IPCEF1: variants seen among roughly 807,000 people sequenced by gnomAD.
IPCEF1 encodes the protein interaction protein for cytohesin exchange factors 1.
A neutral mutation model predicts 50.9 loss-of-function variants in IPCEF1; 31 were observed. The ratio of observed to expected loss-of-function variants is 0.61; its 90% CI spans 0.46 to 0.82. The LOEUF (loss-of-function observed/expected upper bound fraction) is 0.82. Ranked by LOEUF, IPCEF1 falls within the 40% of genes least tolerant of loss-of-function variation. IPCEF1 has a pLI of 0.00. For synonymous variants in IPCEF1, 181 were observed against 192.0 expected, an observed-to-expected ratio of 0.94 and a Z score of 0.47; for missense variants, 458 against 514.0, an observed-to-expected ratio of 0.89 and a Z score of 1.05.
At chr6:154,184,505 C>T (rs1232400298) in intron 10 of IPCEF1, among the ~76,000 whole-genome samples, 1 of 151,648 alleles carries the variant, frequency 6.6e-6, no homozygotes, top group African/African-American at 2.4e-5. Context: ...TTTTAAAAGA[C>T]CAATGGTATA....
At position 154,349,719 on chromosome 6, in the gene IPCEF1, C is replaced by T. The variant is rs1229141743; in HGVS notation, c.-62+6953G>A. The stretch of plus-strand genomic sequence containing the variant: ...AGAATGCAGTTTCCTTCACAATAGT[C>T]AGGAAAAAAAGAACTTCTACCCTGT... On this transcript the variant is annotated intron_variant, in intron 1 of 11. Coordinates refer to ENST00000367220, the MANE Select transcript of IPCEF1 (RefSeq NM_001130700.2). Among the ~76,000 whole-genome samples the T allele has an allele frequency of 2.6e-5, 4 of 151,812 alleles. No homozygotes were observed. The East Asian group carries it at 7.7e-4, about 29-fold the overall frequency.
chr6:154,303,427 T>G (rs1782849158), intron 1 of IPCEF1, among the ~76,000 whole-genome samples: 1 of 152,136 alleles, frequency 6.6e-6, no homozygotes, highest in African/African-American at 2.4e-5. Context: ...TGATTACTGG[T>G]GTACATATCC....
At chr6:154,231,823 T>A (rs1199795608) in intron 5 of IPCEF1, among the ~76,000 whole-genome samples, 2 of 152,222 alleles carry the variant, frequency 1.3e-5, no homozygotes, top group African/African-American at 4.8e-5. Context: ...GGTACATGAT[T>A]GATTTTTTAA....
At chr6:154,206,211 T>G (rs957729482) in intron 9 of IPCEF1, among the ~76,000 whole-genome samples, 8 of 152,246 alleles carry the variant, frequency 5.3e-5, no homozygotes, top group African/African-American at 1.9e-4. Flanking sequence ...TTGCAAATGC[T>G]ACTTCCGATA....
chr6:154,277,945 C>G (rs889317141), intron 2 of IPCEF1, among the ~76,000 whole-genome samples: 1 of 152,106 alleles, frequency 6.6e-6, no homozygotes, highest in African/African-American at 2.4e-5. Flanking sequence ...CTTTCCCACT[C>G]GTACCTCACC....
intron 11 of IPCEF1, among the ~76,000 whole-genome samples, chr6:154,165,336 T>G (rs1280609311): frequency 6.6e-6 from 1 of 152,196 alleles, no homozygotes; most frequent in Non-Finnish European, 1.5e-5. Flanking sequence ...CTCTCTTGAC[T>G]GCTTTGAATT....
chr6:154,175,679 A>G (rs1800261285), intron 10 of IPCEF1, among the ~76,000 whole-genome samples: 1 of 152,302 alleles, frequency 6.6e-6, no homozygotes, highest in Middle Eastern at 3.4e-3. Flanking sequence ...GGCAATAATT[A>G]ATAGCCTACC....
chr6:154,254,831 A>G (rs1781422956), intron 3 of IPCEF1, among the ~76,000 whole-genome samples: 1 of 151,920 alleles, frequency 6.6e-6, no homozygotes, highest in East Asian at 1.9e-4. Flanking sequence ...TTCATAGGTG[A>G]GTTTAATCTA....
chr6:154,305,490 A>G (rs913805945), intron 1 of IPCEF1, among the ~76,000 whole-genome samples: 1 of 152,198 alleles, frequency 6.6e-6, no homozygotes, highest in Non-Finnish European at 1.5e-5. Context: ...AATCTTTCAC[A>G]AAAATCACAT....
At chr6:154,186,677 C>G (rs961847810) in intron 10 of IPCEF1, among the ~76,000 whole-genome samples, 59 of 152,260 alleles carry the variant, frequency 3.9e-4, no homozygotes, top group African/African-American at 1.3e-3. Flanking sequence ...CTGCCTCAGC[C>G]TCCCGAGTAG....
chr6:154,205,247 A>G (rs1260060656), intron 9 of IPCEF1, among the ~76,000 whole-genome samples: 1 of 152,172 alleles, frequency 6.6e-6, no homozygotes, highest in African/African-American at 2.4e-5. Flanking sequence ...AAGGGAGAAG[A>G]CACCATCTAG....
At chr6:154,231,376 A>AC (rs1779704095) in intron 5 of IPCEF1, among the ~76,000 whole-genome samples, 1 of 152,232 alleles carries the variant, frequency 6.6e-6, no homozygotes. Flanking sequence ...TTGCCCATTG[A>AC]CCCAGAAATT....
At chr6:154,259,744 A>G (rs1781549010) in intron 3 of IPCEF1, among the ~76,000 whole-genome samples, 1 of 152,148 alleles carries the variant, frequency 6.6e-6, no homozygotes, top group Admixed American at 6.5e-5. Flanking sequence ...GAAGTTTTCT[A>G]CTTAATGAGC....
chr6:154,351,996 G>C (rs923850930), intron 1 of IPCEF1, among the ~76,000 whole-genome samples: 1 of 152,180 alleles, frequency 6.6e-6, no homozygotes, highest in Non-Finnish European at 1.5e-5. Flanking sequence ...CGGGGGAGAG[G>C]GAGAGCATCA....
chr6:154,298,306 T>C (rs1458090205), intron 1 of IPCEF1, among the ~76,000 whole-genome samples: 1 of 152,322 alleles, frequency 6.6e-6, no homozygotes, highest in East Asian at 1.9e-4. Flanking sequence ...CGTCACAAAA[T>C]ATCTTGTAAT....
At chr6:154,209,949 T>C (rs1330185330) in intron 9 of IPCEF1, among the ~76,000 whole-genome samples, 1 of 152,234 alleles carries the variant, frequency 6.6e-6, no homozygotes, top group African/African-American at 2.4e-5. Context: ...ATTTGATTGA[T>C]GATTCAAAAA....
At chr6:154,170,463 T>C (rs771122455) in intron 10 of IPCEF1, among the ~76,000 whole-genome samples, 8 of 152,176 alleles carry the variant, frequency 5.3e-5, no homozygotes, top group Non-Finnish European at 1.2e-4. Flanking sequence ...GTTTCCCCTA[T>C]CCATCCCAGA....
intron 1 of IPCEF1, among the ~76,000 whole-genome samples, chr6:154,296,697 CG>C (rs756214243): frequency 5.5e-4 from 84 of 151,844 alleles, no homozygotes; most frequent in Non-Finnish European, 1.1e-3. Context: ...GGCATGGTGG[CG>C]GGCGCCTGTA....
At chr6:154,257,699 G>T (rs1050218920) in intron 3 of IPCEF1, among the ~76,000 whole-genome samples, 6 of 151,994 alleles carry the variant, frequency 3.9e-5, no homozygotes, top group African/African-American at 1.4e-4. Context: ...GGTTTTGTTT[G>T]TTTGTTTGTT....
Sources: gnomAD v4.1 joint callset for allele counts (sites outside exome capture counted in the v4.1 genomes callset) on GRCh38, gnomAD v4.1.1 for gene constraint, MANE v1.5 for transcripts, NCBI Gene and HGNC (gene_info 2026-07-23, HGNC 2026-07-21) for gene names.